B3GALT5: variants seen among roughly 807,000 people sequenced by gnomAD.
The protein encoded by B3GALT5 is UDP-Gal:betaGlcNAc beta 1,3-galactosyltransferase, polypeptide 5.
For synonymous variants in B3GALT5, 156 were observed against 158.6 expected (o/e 0.98, Z 0.12); for missense variants, 328 against 396.6 (o/e 0.83, Z 1.47).
chr21:39,634,430 C>G (rs1251345345), intron 1 of B3GALT5, among the ~76,000 whole-genome samples: 1 of 152,170 alleles, frequency 6.6e-6, no homozygotes, highest in Admixed American at 6.5e-5. Context: ...TGCCACACCT[C>G]TCGTTTCTGG....
chr21:39,660,908 G>A lies in B3GALT5; in HGVS notation c.349G>A (p.Gly117Arg), dbSNP rs969527149. ...KEVDQESQRH[G>R]DIIQKDFLDV... The stretch of plus-strand genomic sequence containing the variant: ...GGTGGACCAGGAGAGCCAGCGACAC[G>A]GGGACATTATCCAGAAGGATTTCCT... The change falls in exon 4 of 4, where the codon GGG (glycine) becomes AGG (arginine). Residue 117 changes from glycine to arginine, a missense_variant. Gly to Arg is a moderately radical substitution (Grantham distance 125, BLOSUM62 -2). Coordinates refer to ENST00000684187, the MANE Select transcript of B3GALT5 (RefSeq NM_001356336.2). 6.2e-6 allele frequency: 10 copies of A among 1,610,694 alleles called. No individual in the cohort carries two copies. The highest frequency in any genetic ancestry group is 4.0e-5 in the African/African-American group (3 of 74,844).
intron 2 of B3GALT5, among the ~76,000 whole-genome samples, chr21:39,649,511 C>T (rs2061180452): frequency 6.6e-6 from 1 of 152,184 alleles, no homozygotes. Flanking sequence ...AAGACAGTTT[C>T]TATTCAGGAA....
chr21:39,661,089 C>T lies in B3GALT5; in HGVS notation c.530C>T (p.Thr177Ile), dbSNP rs1804099237. Residue 177 changes from threonine (T) to isoleucine (I), a missense_variant, in exon 4 of 4, where the codon ACC (threonine) becomes ATC (isoleucine). Transcript: ENST00000684187. This position sits in a 1 kb window ranked among gnomAD's most constrained non-coding sequence, Gnocchi z 4.7. ...CTGCTTCTGAAGAAAAACAGAACAA[C>T]CAGGTTTTTCACTGGCTTCTTGAAA... Reference protein sequence around the residue: ...TELLLKKNRTTRFFTGFLKLN... With the variant: ...TELLLKKNRTIRFFTGFLKLN... 2 of 1,614,156 alleles carry T rather than the reference C, an allele frequency of 1.2e-6. No homozygotes were observed. The highest frequency in any genetic ancestry group is 8.5e-7 in the Non-Finnish European group (1 of 1,180,016).
chr21:39,625,689 T>A (rs1268721204), intron 1 of B3GALT5, among the ~76,000 whole-genome samples: 1 of 152,186 alleles, frequency 6.6e-6, no homozygotes, highest in Non-Finnish European at 1.5e-5. Flanking sequence ...AATTCTACCT[T>A]CCTCTCACCC....
rs1228545744 is a variant in B3GALT5, at chr21:39,670,413, CCCT to C, written c.*8926_*8928del. ...TGTAAAACAGCAGGCACCCCCACTG[CCCT>C]CCTCAGCTGTTGGGGTGGCAGGGTG... On this transcript the variant is annotated 3_prime_UTR_variant, in exon 4 of 4. Transcript: ENST00000684187. 4 of 152,236 alleles carry C rather than the reference CCCT, an allele frequency of 2.6e-5. No individual in the cohort carries two copies. Among genetic ancestry groups the C allele is most frequent in the Non-Finnish European group, 5.9e-5 (4 of 68,062 alleles). The allele number at this position is 152,236 out of a possible 1,614,324, so 9.4% of individuals were successfully genotyped here.
intron 1 of B3GALT5, among the ~76,000 whole-genome samples, chr21:39,617,429 AG>A (rs1157649455): frequency 6.6e-6 from 1 of 152,222 alleles, no homozygotes; most frequent in African/African-American, 2.4e-5. Flanking sequence ...TCATGGCGGA[AG>A]GGGAGGCAGG....
At chr21:39,656,539 G>A (rs1487147398) in intron 2 of B3GALT5, among the ~76,000 whole-genome samples, 1 of 152,154 alleles carries the variant, frequency 6.6e-6, no homozygotes, top group Non-Finnish European at 1.5e-5. Context: ...CTTTGTCCTT[G>A]CATACTCTTT....
chr21:39,656,338 A>G (rs1456598873), intron 2 of B3GALT5, among the ~76,000 whole-genome samples: 1 of 152,156 alleles, frequency 6.6e-6, no homozygotes, highest in Non-Finnish European at 1.5e-5. Context: ...AGCAGACTCT[A>G]GCACTCAGGA....
intron 1 of B3GALT5, among the ~76,000 whole-genome samples, chr21:39,644,546 A>G (rs1186653056): frequency 1.3e-5 from 2 of 152,194 alleles, no homozygotes; most frequent in African/African-American, 4.8e-5. Context: ...CGAAGTTCAC[A>G]GTGATGGGAA....
rs2079638213 is a variant in B3GALT5, at chr21:39,672,437, A to G, written c.*10945A>G. 1 of 152,270 alleles carries G rather than the reference A, an allele frequency of 6.6e-6. No homozygotes were observed. The highest frequency in any genetic ancestry group is 6.5e-5 in the Admixed American group (1 of 15,288). The allele number at this position is 152,270 out of a possible 1,614,324, so 9.4% of individuals were successfully genotyped here. ...TCCTAAAAGACACGAAATTAAATTT[A>G]CATGTCACTGAATGCTATTTGAAAC... On this transcript the variant is annotated 3_prime_UTR_variant, in exon 4 of 4. Transcript: ENST00000684187.
At chr21:39,615,381 G>A (rs975982556) in intron 1 of B3GALT5, among the ~76,000 whole-genome samples, 3 of 152,242 alleles carry the variant, frequency 2.0e-5, no homozygotes, top group African/African-American at 7.2e-5. Context: ...GCCTTCAGTT[G>A]AAAACCAGAA....
In B3GALT5 at chr21:39,669,552, C is replaced by G. The variant is rs1257398031; in HGVS notation, c.*8060C>G. On this transcript the variant is annotated 3_prime_UTR_variant, in exon 4 of 4. Coordinates refer to ENST00000684187, the MANE Select transcript of B3GALT5 (RefSeq NM_001356336.2). ...ATGCTGAGAAGATTATCAGGGGCAC[C>G]TGATCCCTTGACAGCTGAATAAAGA... 6.6e-6 allele frequency: 1 copy of G among 152,134 alleles called. No homozygotes were observed. Among genetic ancestry groups the G allele is most frequent in the Admixed American group, 6.5e-5 (1 of 15,274 alleles). The allele number at this position is 152,134 out of a possible 1,614,324, so 9.4% of individuals were successfully genotyped here.
intron 1 of B3GALT5, among the ~76,000 whole-genome samples, chr21:39,630,664 G>A (rs1169568106): frequency 6.6e-6 from 1 of 152,178 alleles, no homozygotes; most frequent in African/African-American, 2.4e-5. Flanking sequence ...ATTGAGTGGA[G>A]CTAAACTCAT....
In B3GALT5 at chr21:39,672,690, GT is replaced by G. The variant is rs1397535304; in HGVS notation, c.*11203del. ...ATGGTCTGAATCGGACAATCCTTTT[GT>G]TTTTACATTGATGTTTTCTATATTT... On this transcript the variant is annotated 3_prime_UTR_variant, in exon 4 of 4. Coordinates refer to ENST00000684187, the MANE Select transcript of B3GALT5 (RefSeq NM_001356336.2). 1 of 152,106 alleles carries G rather than the reference GT, an allele frequency of 6.6e-6. No homozygotes were observed. The highest frequency in any genetic ancestry group is 1.5e-5 in the Non-Finnish European group (1 of 68,000). 9.4% of individuals were successfully genotyped at this position (152,106 alleles called of 1,614,324 possible). A position where few individuals can be genotyped will look rare whatever the true frequency, so the allele number is the denominator to read the frequency against.
rs1309729470 is a variant in B3GALT5, at chr21:39,667,242, C to T, written c.*5750C>T. 6.6e-6 allele frequency: 1 copy of T among 152,200 alleles called. No homozygotes were observed. The highest frequency in any genetic ancestry group is 1.5e-5 in the Non-Finnish European group (1 of 68,050). 9.4% of individuals were successfully genotyped at this position (152,200 alleles called of 1,614,324 possible). A position where few individuals can be genotyped will look rare whatever the true frequency, so the allele number is the denominator to read the frequency against. On this transcript the variant is annotated 3_prime_UTR_variant, in exon 4 of 4. Coordinates refer to ENST00000684187, the MANE Select transcript of B3GALT5 (RefSeq NM_001356336.2). ...GCCACGCCGTCCGTGAGAGGTCAGA[C>T]TGGTGATTTCCAACTCCCGCCGGGC...
chr21:39,640,299 C>T (rs991603895), intron 1 of B3GALT5, among the ~76,000 whole-genome samples: 2 of 152,152 alleles, frequency 1.3e-5, no homozygotes, highest in African/African-American at 4.8e-5. Context: ...AGCAGGGTCC[C>T]ACCAGCCCTG....
At chr21:39,648,273 G>A (rs972780441) in intron 2 of B3GALT5, among the ~76,000 whole-genome samples, 3 of 152,064 alleles carry the variant, frequency 2.0e-5, no homozygotes, top group African/African-American at 7.2e-5. Context: ...TGGCTGCTTA[G>A]AGATTTGGAG....
At chr21:39,639,377 TC>T (rs1339483087) in intron 1 of B3GALT5, among the ~76,000 whole-genome samples, 7 of 136,824 alleles carry the variant, frequency 5.1e-5, no homozygotes, top group East Asian at 2.2e-4. Flanking sequence ...CTTCCTTCCT[TC>T]CTTCCTTCCT....
rs1044246797 is a variant in B3GALT5, at chr21:39,671,956, G to A, written c.*10464G>A. On this transcript the variant is annotated 3_prime_UTR_variant, in exon 4 of 4. Coordinates refer to ENST00000684187, the MANE Select transcript of B3GALT5 (RefSeq NM_001356336.2). ...GAGTGCATCCTGGCACCTGCCAATC[G>A]GAAGACTGACAAACAAAAAATTAGT... The A allele has an allele frequency of 2.0e-5, 3 of 152,080 alleles. No individual in the cohort carries two copies. Among genetic ancestry groups the A allele is most frequent in the Admixed American group, 6.5e-5 (1 of 15,268 alleles). 9.4% of individuals were successfully genotyped at this position (152,080 alleles called of 1,614,324 possible). A position where few individuals can be genotyped will look rare whatever the true frequency, so the allele number is the denominator to read the frequency against.
Sources: allele counts gnomAD v4.1 joint callset (sites outside exome capture counted in the v4.1 genomes callset), GRCh38; gene constraint gnomAD v4.1.1; non-coding constraint Gnocchi (gnomAD v3.1); transcripts MANE v1.5; gene names NCBI Gene and HGNC (gene_info 2026-07-23, HGNC 2026-07-21).